The following MYH13 variants were observed in gnomAD, a reference collection of about 807,000 sequenced individuals.
MYH13 encodes the protein myosin-13.
In MYH13, 177 loss-of-function variants were observed where a neutral mutation model predicts 232.1. The observed-to-expected ratio is 0.76, with a 90% CI of 0.67 to 0.86. MYH13 has a LOEUF of 0.86. Ranked by LOEUF, MYH13 falls within the 40% of genes least tolerant of loss-of-function variation. MYH13 has a pLI of 0.00. For synonymous variants in MYH13, 884 were observed against 923.5 expected, an observed-to-expected ratio of 0.96 and a Z score of 0.78; for missense variants, 2,246 against 2,405.9, an observed-to-expected ratio of 0.93 and a Z score of 1.39.
intron 35 of MYH13, among the ~76,000 whole-genome samples, chr17:10,308,654 T>A (rs1034789306): frequency 6.6e-6 from 1 of 152,124 alleles, no homozygotes; most frequent in Non-Finnish European, 1.5e-5. Flanking sequence ...TTGTTTTTTC[T>A]ATTTTTTTAA....
At chr17:10,316,684 G>C (rs1276130484) in intron 27 of MYH13, among the ~76,000 whole-genome samples, 1 of 152,198 alleles carries the variant, frequency 6.6e-6, no homozygotes, top group Non-Finnish European at 1.5e-5. Flanking sequence ...AGATGACAGT[G>C]TTAAGCATTT....
In MYH13 at chr17:10,309,361, C is replaced by G; in HGVS notation, c.5042G>C (p.Arg1681Thr). The change falls in exon 35 of 41, where the codon AGG becomes ACG. Residue 1681 changes from arginine (R) to threonine (T), a missense_variant. Coordinates refer to ENST00000252172, the MANE Select transcript of MYH13 (RefSeq NM_003802.3). Reference sequence around the variant, plus strand: ...CAGCTCCTCCAGCAGGAGGCCATTCCTGCGCTCCACGATGGCCAGCTGCTC... The same window carrying G: ...CAGCTCCTCCAGCAGGAGGCCATTCGTGCGCTCCACGATGGCCAGCTGCTC... ...LKEQLAIVER[R>T]NGLLLEELEE... The G allele has an allele frequency of 6.2e-7, 1 of 1,613,428 alleles. No homozygotes were observed. The highest frequency in any genetic ancestry group is 8.5e-7 in the Non-Finnish European group (1 of 1,179,668).
chr17:10,360,848 C>T (rs1312258456), intron 5 of MYH13, among the ~76,000 whole-genome samples: 1 of 152,084 alleles, frequency 6.6e-6, no homozygotes, highest in Admixed American at 6.6e-5. Context: ...GACACACAAG[C>T]ACATGGGGAG....
chr17:10,353,850 G>A (rs1019041717), intron 11 of MYH13, among the ~76,000 whole-genome samples: 6 of 151,700 alleles, frequency 4.0e-5, no homozygotes, highest in African/African-American at 1.5e-4. Flanking sequence ...TCCAGCCTGG[G>A]CGACAGAGCG....
chr17:10,301,348 T>C (rs1906082145), intron 40 of MYH13, among the ~76,000 whole-genome samples: 2 of 152,142 alleles, frequency 1.3e-5, no homozygotes, highest in Non-Finnish European at 2.9e-5. Context: ...GGGTGGTCCA[T>C]GGGACTCCCC....
chr17:10,339,744 G>A (rs1300416468), intron 18 of MYH13, among the ~76,000 whole-genome samples: 2 of 152,112 alleles, frequency 1.3e-5, no homozygotes, highest in African/African-American at 2.4e-5. Flanking sequence ...TTTTTTAGAG[G>A]AAGTATATTC....
In MYH13 at chr17:10,361,755, C is replaced by T. The variant is rs146830384; in HGVS notation, c.505+363G>A. ...AGGGGAGCCTGAGTTTGGGGAAGAA[C>T]GCAGGAACACTGCTTTACCCATTTC... On this transcript the variant is annotated intron_variant, in intron 5 of 40. Coordinates refer to ENST00000252172, the MANE Select transcript of MYH13 (RefSeq NM_003802.3). Among the ~76,000 whole-genome samples, 167 of 152,292 alleles carry T rather than the reference C, an allele frequency of 1.1e-3. 2 individuals are homozygous for T. Among genetic ancestry groups the T allele is most frequent in the African/African-American group, 3.7e-3 (152 of 41,564 alleles).
chr17:10,323,618 G>C (rs1022717196), intron 23 of MYH13, among the ~76,000 whole-genome samples: 23 of 151,826 alleles, frequency 1.5e-4, no homozygotes, highest in Admixed American at 1.4e-3. Context: ...AATTAGCTGG[G>C]CATGGTGGTG....
chr17:10,371,284 AC>A (rs1195709188), intron 1 of MYH13, 25 bp from the exon 2 acceptor site: 1 of 152,180 alleles, frequency 6.6e-6, no homozygotes, highest in Non-Finnish European at 1.5e-5. Context: ...AGAAAAAAAA[AC>A]AAACCAAAAA....
In MYH13 at chr17:10,354,906, G is replaced by A. The variant is rs754479749; in HGVS notation, c.890C>T (p.Pro297Leu). ...TTCCAAGAGCTTACCAATTAGTTCT[G>A]GCTTCTTGTTTGACATAATTTGGTA... ...IFYQIMSNKK[P>L]ELIDLLLIST... The change falls in exon 10 of 41, where the codon CCA becomes CTA. Residue 297 changes from proline to leucine, a missense_variant. Transcript: ENST00000252172. 1 of 1,599,654 alleles carries A rather than the reference G, an allele frequency of 6.3e-7. No individual in the cohort carries two copies. The highest frequency in any genetic ancestry group is 8.6e-7 in the Non-Finnish European group (1 of 1,167,020).
intron 37 of MYH13, among the ~76,000 whole-genome samples, chr17:10,305,167 G>A (rs1380711007): frequency 6.6e-6 from 1 of 152,156 alleles, no homozygotes. Context: ...TCACATAACC[G>A]GGCAGGGGAT....
intron 29 of MYH13, among the ~76,000 whole-genome samples, chr17:10,314,291 C>T (rs192231686): frequency 2.6e-5 from 4 of 151,874 alleles, no homozygotes; most frequent in East Asian, 1.9e-4. Context: ...GGCACATGCA[C>T]GTAATCCCAG....
intron 5 of MYH13, 71 bp from the exon 6 acceptor site, chr17:10,360,259 G>T: frequency 6.5e-7 from 1 of 1,529,122 alleles, no homozygotes; most frequent in Non-Finnish European, 8.9e-7. Flanking sequence ...AGTAACATTG[G>T]GGGTGGTTGG....
chr17:10,306,519 A>G lies in MYH13; in HGVS notation c.5406T>C (p.Asp1802=), dbSNP rs958434584. 3 of 1,613,982 alleles carry G rather than the reference A, an allele frequency of 1.9e-6. No individual in the cohort carries two copies. The highest frequency in any genetic ancestry group is 2.2e-5 in the East Asian group (1 of 44,878). Reference sequence around the variant, plus strand: ...CCTTCAGCGCCAGTTGTTCAGCCTCATCTAGACGGTGCTGCAGGTCCTTCA... The same window carrying G: ...CCTTCAGCGCCAGTTGTTCAGCCTCGTCTAGACGGTGCTGCAGGTCCTTCA... ...QTVKDLQHRL[D]EAEQLALKGG... The change falls in exon 37 of 41, where the codon GAT becomes GAC. Residue 1802 remains aspartate (D), a synonymous_variant. Coordinates refer to ENST00000252172, the MANE Select transcript of MYH13 (RefSeq NM_003802.3). The surrounding 1 kb of genome is among the most constrained non-coding windows in gnomAD (Gnocchi z 4.3).
In MYH13 at chr17:10,355,005, A is replaced by C. The variant is rs2071738282; in HGVS notation, c.803-12T>G. On this transcript the variant is annotated splice_polypyrimidine_tract_variant and intron_variant, in intron 9 of 40. Transcript: ENST00000252172. ...TTTTTCTAACAGATCTAAGGTAACA[A>C]AAATAACGTGATTTCAGGCTCCCAA... 6.2e-7 allele frequency: 1 copy of C among 1,609,980 alleles called. No individual in the cohort carries two copies. Among genetic ancestry groups the C allele is most frequent in the Admixed American group, 1.7e-5 (1 of 59,968 alleles).
At chr17:10,340,638 C>T (rs2071613751) in intron 16 of MYH13, among the ~76,000 whole-genome samples, 2 of 152,186 alleles carry the variant, frequency 1.3e-5, no homozygotes, top group Admixed American at 1.3e-4. Context: ...CTTGCCTCAG[C>T]CTCCCAAGTA....
At chr17:10,365,409 C>T (rs545506325) in intron 2 of MYH13, among the ~76,000 whole-genome samples, 1 of 152,290 alleles carries the variant, frequency 6.6e-6, no homozygotes, top group South Asian at 2.1e-4. Flanking sequence ...TTTAACATGC[C>T]AGAATCCCCT....
intron 27 of MYH13, among the ~76,000 whole-genome samples, chr17:10,316,772 A>G (rs1906729854): frequency 6.6e-6 from 1 of 152,188 alleles, no homozygotes; most frequent in Non-Finnish European, 1.5e-5. Flanking sequence ...GTTGGCCTGT[A>G]TTTTTGTGAA....
At chr17:10,323,792 AGAAGAAGAAG>A (rs1907089150) in intron 23 of MYH13, among the ~76,000 whole-genome samples, 1 of 59,578 alleles carries the variant, frequency 1.7e-5, no homozygotes, top group East Asian at 5.6e-4. Flanking sequence ...AAAAAAAAGA[AGAAGAAGAAG>A]AAGAAGAAGA....
Sources: gnomAD v4.1 joint callset for allele counts (sites outside exome capture counted in the v4.1 genomes callset) on GRCh38, gnomAD v4.1.1 for gene constraint, Gnocchi (gnomAD v3.1) non-coding constraint, MANE v1.5 for transcripts, NCBI Gene and HGNC (gene_info 2026-07-23, HGNC 2026-07-21) for gene names.